The following NRG4 variants were observed in gnomAD, a reference collection of about 807,000 sequenced individuals.
NRG4 encodes neuregulin 4.
Under a neutral mutation model 15.0 loss-of-function variants are expected in NRG4, and 10 were observed. That is an observed-to-expected ratio of 0.67 (90% CI 0.41 to 1.13). NRG4 has a LOEUF of 1.13. Ranked by LOEUF, NRG4 falls within the 50% of genes most tolerant of loss-of-function variation. The probability of loss-of-function intolerance (pLI) is 0.00; values close to 1 mark genes in which losing one functional copy is unlikely to be tolerated. For synonymous variants in NRG4, 41 were observed against 50.1 expected (o/e 0.82, Z 0.77); for missense variants, 139 against 140.2 (o/e 0.99, Z 0.04).
At chr15:76,019,929 T>C (rs1376368530) in intron 5 of NRG4, among the ~76,000 whole-genome samples, 1 of 152,262 alleles carries the variant, frequency 6.6e-6, no homozygotes, top group Non-Finnish European at 1.5e-5. Context: ...ACTAAAGGCT[T>C]GTGGCAACCC....
intron 5 of NRG4, among the ~76,000 whole-genome samples, chr15:76,020,714 A>C (rs2141926772): frequency 6.6e-6 from 1 of 152,388 alleles, no homozygotes; most frequent in East Asian, 1.9e-4. Context: ...AGGGTTGGAC[A>C]AGCTTGCTGT....
chr15:76,001,286 C>T lies in NRG4; in HGVS notation c.104+7914G>A, dbSNP rs560818261. On this transcript the variant is annotated intron_variant, in intron 3 of 5. Coordinates refer to ENST00000394907, the MANE Select transcript of NRG4 (RefSeq NM_138573.4). ...TGCTGGGACTACAGGCGTGAGCTACCATGCCTGGCCCCAATTTTTGTAGCC... is the reference window on the plus strand; with the variant it reads ...TGCTGGGACTACAGGCGTGAGCTACTATGCCTGGCCCCAATTTTTGTAGCC... Among the ~76,000 whole-genome samples the T allele has an allele frequency of 2.2e-4, 33 of 151,920 alleles. 1 individual carries two copies. Among genetic ancestry groups the T allele is most frequent in the Non-Finnish European group, 4.7e-4 (32 of 67,984 alleles).
At chr15:76,057,839 T>C (rs553756929) in intron 1 of NRG4, among the ~76,000 whole-genome samples, 1 of 150,464 alleles carries the variant, frequency 6.6e-6, no homozygotes, top group South Asian at 2.1e-4. Context: ...TATTTATAAA[T>C]ATAAATATTT....
chr15:76,048,079 G>T (rs1370556581), intron 4 of NRG4, among the ~76,000 whole-genome samples: 1 of 149,788 alleles, frequency 6.7e-6, no homozygotes, highest in Non-Finnish European at 1.5e-5. Flanking sequence ...GATCCCTGGA[G>T]CCCAGGAGTT....
intron 5 of NRG4, among the ~76,000 whole-genome samples, chr15:75,951,567 C>T (rs533853815): frequency 6.6e-6 from 1 of 152,232 alleles, no homozygotes; most frequent in East Asian, 1.9e-4. Flanking sequence ...TAATTTTTAT[C>T]CAATTTTACA....
At chr15:76,016,301 T>C (rs527486283), upstream of NRG4, among the ~76,000 whole-genome samples, 19 of 152,316 alleles carry the variant, frequency 1.2e-4, no homozygotes, top group South Asian at 1.9e-3. Context: ...CTGGATACCA[T>C]TGATTTTTTG....
At chr15:76,000,356 G>A (rs1401566973) in intron 3 of NRG4, among the ~76,000 whole-genome samples, 3 of 151,994 alleles carry the variant, frequency 2.0e-5, no homozygotes, top group Admixed American at 6.5e-5. Context: ...ATAGACAAAA[G>A]GCTAATCTTA....
chr15:76,011,117 G>A, intron 2 of NRG4, 104 bp downstream of exon 2: 1 of 970,280 alleles, frequency 1.0e-6, no homozygotes, highest in East Asian at 3.0e-5. Context: ...TTCCAATGAT[G>A]TTGGAAGGGA....
At chr15:75,940,768 C>G (rs1046435607), downstream of NRG4, 1 of 74,448 alleles carries the variant, frequency 1.3e-5, no homozygotes, top group Non-Finnish European at 2.8e-5. Context: ...GATGGGAAAG[C>G]TGGATAACCA....
intron 3 of NRG4, among the ~76,000 whole-genome samples, chr15:75,993,197 G>A (rs1000007596): frequency 1.3e-5 from 2 of 150,236 alleles, no homozygotes; most frequent in Non-Finnish European, 3.0e-5. Flanking sequence ...ACTATGATGT[G>A]TCTAAGTTTG....
intron 5 of NRG4, among the ~76,000 whole-genome samples, chr15:76,023,166 ACACACACACACACACAC>A (rs1567116181): frequency 3.4e-5 from 5 of 148,696 alleles, no homozygotes; most frequent in Non-Finnish European, 5.9e-5. Flanking sequence ...ACACACACAC[ACACACACACACACACAC>A]AAGCAAGGAC....
Position 75,995,506 on chromosome 15 carries a change from C to T in NRG4, c.104+13694G>A, listed in dbSNP as rs572467629. Among the ~76,000 whole-genome samples the T allele has an allele frequency of 2.6e-5, 4 of 152,248 alleles. No individual in the cohort carries two copies. In the South Asian group the frequency reaches 8.3e-4, roughly 32 times the overall value. On this transcript the variant is annotated intron_variant, in intron 3 of 5. Coordinates refer to ENST00000394907, the MANE Select transcript of NRG4 (RefSeq NM_138573.4). Reference sequence around the variant, plus strand: ...CTGCCCTCATGATCCAAACACCTCCCACTAGGCCCCCCCGCCCCAAACACT... The same window carrying T: ...CTGCCCTCATGATCCAAACACCTCCTACTAGGCCCCCCCGCCCCAAACACT...
chr15:76,000,292 A>G (rs2034364573), intron 3 of NRG4, among the ~76,000 whole-genome samples: 1 of 152,234 alleles, frequency 6.6e-6, no homozygotes, highest in South Asian at 2.1e-4. Flanking sequence ...ACTAAATCCC[A>G]TAAGCTAGGT....
chr15:75,997,599 G>A (rs969156865), intron 3 of NRG4, among the ~76,000 whole-genome samples: 1 of 152,172 alleles, frequency 6.6e-6, no homozygotes, highest in African/African-American at 2.4e-5. Context: ...TACAGTGTGA[G>A]CATATAATAG....
intron 4 of NRG4, among the ~76,000 whole-genome samples, chr15:76,040,783 G>T (rs1013687205): frequency 5.3e-5 from 8 of 152,126 alleles, no homozygotes; most frequent in Non-Finnish European, 1.0e-4. Context: ...AAATCAGCCA[G>T]CTGTGGTCAT....
intron 5 of NRG4, among the ~76,000 whole-genome samples, chr15:76,029,492 C>T (rs566629274): frequency 8.5e-5 from 13 of 152,256 alleles, no homozygotes; most frequent in Admixed American, 7.2e-4. Context: ...CAAACTGTTC[C>T]TGTTTGCAGA....
At chr15:76,031,246 A>T (rs2035464713) in intron 5 of NRG4, among the ~76,000 whole-genome samples, 1 of 152,236 alleles carries the variant, frequency 6.6e-6, no homozygotes, top group African/African-American at 2.4e-5. Flanking sequence ...CTAAAAACCT[A>T]CAATTAGCAT....
At chr15:75,969,410 A>G (rs533075031) in intron 3 of NRG4, among the ~76,000 whole-genome samples, 8 of 152,372 alleles carry the variant, frequency 5.3e-5, no homozygotes, top group African/African-American at 1.9e-4. Flanking sequence ...AAGCAAATGC[A>G]TAATTTGGTA....
chr15:76,034,702 G>A (rs1315309437), intron 5 of NRG4, among the ~76,000 whole-genome samples: 2 of 151,504 alleles, frequency 1.3e-5, no homozygotes, highest in Admixed American at 6.6e-5. Context: ...CTCTTAAATA[G>A]ACTTGAGGCA....
Sources: allele counts gnomAD v4.1 joint callset (sites outside exome capture counted in the v4.1 genomes callset), GRCh38; gene constraint gnomAD v4.1.1; transcripts MANE v1.5; gene names NCBI Gene and HGNC (gene_info 2026-07-23, HGNC 2026-07-21).